ARHGAP26: variants seen among roughly 807,000 people sequenced by gnomAD.
The protein encoded by ARHGAP26 is Rho GTPase activating protein 26.
A neutral mutation model predicts 104.8 loss-of-function variants in ARHGAP26; 38 were observed. That is an observed-to-expected ratio of 0.36 (90% CI 0.28 to 0.48). The LOEUF (loss-of-function observed/expected upper bound fraction) is 0.48, where lower values mean the gene tolerates loss of function less well. Ranked by LOEUF, ARHGAP26 falls within the 20% of genes least tolerant of loss-of-function variation. The pLI is 0.99. For missense variants in ARHGAP26, 704 were observed against 947.9 expected, an observed-to-expected ratio of 0.74 and a Z score of 3.38; for synonymous variants, 341 against 340.0, an observed-to-expected ratio of 1.00 and a Z score of -0.03.
intron 20 of ARHGAP26, chr5:143,202,145 A>G (rs548488942): frequency 1.3e-5 from 2 of 152,296 alleles, no homozygotes; most frequent in South Asian, 4.1e-4. Flanking sequence ...TTCCTGTTGC[A>G]TTAAGTTAGC....
chr5:143,177,852 C>T (rs1410488970), intron 20 of ARHGAP26, among the ~76,000 whole-genome samples: 1 of 152,100 alleles, frequency 6.6e-6, no homozygotes, highest in Admixed American at 6.6e-5. Flanking sequence ...CTTGAGGGTG[C>T]TCTTTCCAGG....
chr5:143,103,001 G>C (rs927934899), intron 17 of ARHGAP26, among the ~76,000 whole-genome samples: 2 of 151,968 alleles, frequency 1.3e-5, no homozygotes, highest in Non-Finnish European at 2.9e-5. Context: ...AGCTTCACAG[G>C]GGGGATCTGA....
chr5:143,195,050 A>C (rs1806604802), intron 20 of ARHGAP26, among the ~76,000 whole-genome samples: 2 of 152,214 alleles, frequency 1.3e-5, no homozygotes, highest in South Asian at 4.1e-4. Flanking sequence ...CTAAATAAGC[A>C]CCAGAATTAG....
chr5:143,004,292 T>C (rs889133293), intron 11 of ARHGAP26, among the ~76,000 whole-genome samples: 2 of 152,106 alleles, frequency 1.3e-5, no homozygotes, highest in Non-Finnish European at 2.9e-5. Context: ...ATGGAGTCCT[T>C]CTCAGGCCAT....
chr5:142,872,691 G>C (rs574647062), intron 1 of ARHGAP26, among the ~76,000 whole-genome samples: 1 of 152,298 alleles, frequency 6.6e-6, no homozygotes, highest in East Asian at 1.9e-4. Context: ...TATGGATACT[G>C]CGTGTGGCAT....
chr5:143,067,775 C>T (rs867342134), intron 17 of ARHGAP26, among the ~76,000 whole-genome samples: 5 of 152,136 alleles, frequency 3.3e-5, no homozygotes, highest in Non-Finnish European at 7.3e-5. Flanking sequence ...GTCAGATATT[C>T]CATGAGAAAA....
In ARHGAP26 at chr5:143,078,231, T is replaced by C. The variant is rs79362932; in HGVS notation, c.1538+20484T>C. On this transcript the variant is annotated intron_variant, in intron 17 of 22. Transcript: ENST00000645722. ...AAGTCAGGACACCAAAATGATGTGT[T>C]AGCAGGGCTGGGCCTAGGGCGAGGC... 7.7e-3 allele frequency among the ~76,000 whole-genome samples: 1,175 copies of C among 152,330 alleles called. 9 individuals are homozygous for C. Among genetic ancestry groups the C allele is most frequent in the African/African-American group, 0.027 (1,119 of 41,574 alleles).
chr5:142,939,419 A>G (rs766776023), intron 11 of ARHGAP26, among the ~76,000 whole-genome samples: 2 of 152,186 alleles, frequency 1.3e-5, no homozygotes, highest in Non-Finnish European at 2.9e-5. Flanking sequence ...CTCCATTTTA[A>G]AGATATCTTC....
chr5:142,920,024 T>C (rs1006013389), intron 10 of ARHGAP26, among the ~76,000 whole-genome samples: 6 of 152,124 alleles, frequency 3.9e-5, no homozygotes, highest in African/African-American at 1.4e-4. Context: ...TAAAAATCAC[T>C]TTTTTTATTC....
intron 11 of ARHGAP26, among the ~76,000 whole-genome samples, chr5:142,941,183 A>G (rs1432483703): frequency 1.3e-5 from 2 of 150,930 alleles, no homozygotes; most frequent in African/African-American, 2.4e-5. Flanking sequence ...GAGGAATCGC[A>G]TTACTGCTTT....
Position 143,156,702 on chromosome 5 carries a change from G to C in ARHGAP26, c.1988+9321G>C, listed in dbSNP as rs543175497. 3.3e-5 allele frequency among the ~76,000 whole-genome samples: 5 copies of C among 152,334 alleles called. No individual in the cohort carries two copies. The East Asian group carries it at 9.6e-4, about 29-fold the overall frequency. On this transcript the variant is annotated intron_variant, in intron 20 of 22. Transcript: ENST00000645722. The stretch of plus-strand genomic sequence containing the variant: ...GTGTAAAGCTCTCAGGGCCAAGCCT[G>C]TGTCATCACCAGCACCCTATGATTG...
chr5:143,015,142 T>G (rs1276357021), intron 12 of ARHGAP26, among the ~76,000 whole-genome samples: 1 of 151,800 alleles, frequency 6.6e-6, no homozygotes, highest in Non-Finnish European at 1.5e-5. Flanking sequence ...AAAAAAATGT[T>G]CCCCTCCACC....
intron 11 of ARHGAP26, among the ~76,000 whole-genome samples, chr5:142,945,492 G>A (rs999536364): frequency 4.6e-5 from 7 of 152,160 alleles, no homozygotes; most frequent in Non-Finnish European, 5.9e-5. Context: ...AGGCTGCAAC[G>A]TTGAAGGTTT....
intron 14 of ARHGAP26, among the ~76,000 whole-genome samples, chr5:143,053,003 G>T (rs1785260718): frequency 6.6e-6 from 1 of 152,106 alleles, no homozygotes; most frequent in Non-Finnish European, 1.5e-5. Context: ...GGCTTAAGGG[G>T]AAAAAGGAAT....
chr5:142,796,828 C>G (rs1363007160), intron 1 of ARHGAP26, among the ~76,000 whole-genome samples: 1 of 152,226 alleles, frequency 6.6e-6, no homozygotes, highest in Non-Finnish European at 1.5e-5. Context: ...TGCCTGGTGT[C>G]TCTGGTACCA....
chr5:143,148,719 C>A (rs1799443682), intron 20 of ARHGAP26, among the ~76,000 whole-genome samples: 2 of 152,166 alleles, frequency 1.3e-5, no homozygotes, highest in South Asian at 2.1e-4. Flanking sequence ...AGCCTCCCTG[C>A]CTTGAGGTTT....
chr5:143,087,717 C>T (rs992400443), intron 17 of ARHGAP26, among the ~76,000 whole-genome samples: 3 of 127,842 alleles, frequency 2.3e-5, no homozygotes, highest in Non-Finnish European at 4.7e-5. Flanking sequence ...GCGATCTCGG[C>T]TCACCGTCCA....
At chr5:143,084,081 C>T (rs1790203271) in intron 17 of ARHGAP26, among the ~76,000 whole-genome samples, 1 of 152,156 alleles carries the variant, frequency 6.6e-6, no homozygotes, top group South Asian at 2.1e-4. Context: ...CGGATGCATT[C>T]AAAGTGTGGT....
At chr5:142,978,983 A>G (rs1256750808) in intron 11 of ARHGAP26, among the ~76,000 whole-genome samples, 2 of 152,224 alleles carry the variant, frequency 1.3e-5, no homozygotes, top group African/African-American at 2.4e-5. Context: ...TGTTTAAAAC[A>G]AAAGTGACTT....
Sources: gnomAD v4.1 joint callset for allele counts (sites outside exome capture counted in the v4.1 genomes callset) on GRCh38, gnomAD v4.1.1 for gene constraint, MANE v1.5 for transcripts, NCBI Gene and HGNC (gene_info 2026-07-23, HGNC 2026-07-21) for gene names.